Variants in LMBR1 observed in about 807,000 individuals in gnomAD.
LMBR1 encodes limb development membrane protein 1.
Under a neutral mutation model 73.9 loss-of-function variants are expected in LMBR1, and 52 were observed. The observed-to-expected ratio is 0.70, with a 90% CI of 0.56 to 0.89. The LOEUF (loss-of-function observed/expected upper bound fraction) is 0.89, where lower values mean the gene tolerates loss of function less well. LMBR1 is among the 40% of genes least tolerant of loss of function. The pLI is 0.00. For missense variants in LMBR1, 539 were observed against 579.8 expected (o/e 0.93, Z 0.72); for synonymous variants, 215 against 209.4 (o/e 1.03, Z -0.23).
intron 9 of LMBR1, among the ~76,000 whole-genome samples, chr7:156,748,401 C>T (rs6958016): frequency 0.11 from 16,639 of 151,858 alleles, 946 homozygotes; most frequent in East Asian, 0.15. Flanking sequence ...TTTATATAAG[C>T]TACTATTGGG....
At chr7:156,803,470 T>C (rs980296236) in intron 4 of LMBR1, among the ~76,000 whole-genome samples, 2 of 152,118 alleles carry the variant, frequency 1.3e-5, no homozygotes, top group African/African-American at 2.4e-5. Context: ...TCACACCAGT[T>C]AGAATGGCGA....
At chr7:156,791,787 G>T (rs905578289) in intron 5 of LMBR1, among the ~76,000 whole-genome samples, 5 of 152,148 alleles carry the variant, frequency 3.3e-5, no homozygotes, top group Admixed American at 3.3e-4. Context: ...GCCATTCAGG[G>T]ATGTCTGGAT....
intron 15 of LMBR1, among the ~76,000 whole-genome samples, chr7:156,713,499 C>G (rs1000585644): frequency 3.3e-5 from 5 of 151,944 alleles, no homozygotes; most frequent in African/African-American, 1.2e-4. Context: ...ACAGGAGGTA[C>G]GTGTGCTATC....
chr7:156,759,686 G>A (rs1311433651), intron 8 of LMBR1, among the ~76,000 whole-genome samples: 2 of 152,188 alleles, frequency 1.3e-5, no homozygotes, highest in Non-Finnish European at 2.9e-5. Context: ...AATGCAAAAT[G>A]CTCGTTCCCT....
intron 1 of LMBR1, among the ~76,000 whole-genome samples, chr7:156,891,011 A>G (rs1586507224): frequency 6.6e-6 from 1 of 151,790 alleles, no homozygotes; most frequent in East Asian, 1.9e-4. Flanking sequence ...GCCAGCATGG[A>G]GAAACCCCGT....
At chr7:156,762,109 A>T (rs1823162256) in intron 8 of LMBR1, 25 bp downstream of exon 8, 1 of 1,417,514 alleles carries the variant, frequency 7.1e-7, no homozygotes, top group African/African-American at 1.4e-5. Context: ...TTAATAAACA[A>T]AATGATTTAT....
At chr7:156,845,565 TAAA>T (rs1381947146) in intron 1 of LMBR1, among the ~76,000 whole-genome samples, 3 of 152,000 alleles carry the variant, frequency 2.0e-5, no homozygotes, top group Admixed American at 2.0e-4. Flanking sequence ...ATACATATCT[TAAA>T]ACAAAGTGAC....
chr7:156,804,797 CTT>C (rs1341951781), intron 4 of LMBR1, among the ~76,000 whole-genome samples: 2 of 147,398 alleles, frequency 1.4e-5, no homozygotes, highest in Non-Finnish European at 3.0e-5. Context: ...TGTAGACTCT[CTT>C]TATTCTCTTA....
chr7:156,857,895 C>A (rs995137902), intron 1 of LMBR1, among the ~76,000 whole-genome samples: 1 of 151,506 alleles, frequency 6.6e-6, no homozygotes, highest in Non-Finnish European at 1.5e-5. Flanking sequence ...ATATTTTGAA[C>A]TAAATGAAAA....
chr7:156,755,504 T>C (rs1215846777), intron 9 of LMBR1, among the ~76,000 whole-genome samples: 2 of 152,248 alleles, frequency 1.3e-5, no homozygotes, highest in Admixed American at 6.5e-5. Context: ...GCTTGACACA[T>C]ACTCTTTACA....
chr7:156,859,730 C>T (rs1797473446), intron 1 of LMBR1, among the ~76,000 whole-genome samples: 1 of 152,186 alleles, frequency 6.6e-6, no homozygotes, highest in African/African-American at 2.4e-5. Context: ...TCTACCCAAT[C>T]TACTCTACAG....
chr7:156,702,201 C>T (rs765183922), intron 15 of LMBR1, among the ~76,000 whole-genome samples: 11 of 152,238 alleles, frequency 7.2e-5, no homozygotes, highest in Non-Finnish European at 1.6e-4. Flanking sequence ...AATCGCCACA[C>T]TGTCTTCCAC....
At chr7:156,827,460 C>CA (rs1254940791) in intron 3 of LMBR1, among the ~76,000 whole-genome samples, 1 of 151,886 alleles carries the variant, frequency 6.6e-6, no homozygotes, top group Non-Finnish European at 1.5e-5. Context: ...TACAGAGGTA[C>CA]AAAAAAATCC....
chr7:156,695,867 G>GA lies in LMBR1; in HGVS notation c.1226-7677dup, dbSNP rs397957629. ...GTAAAGAAAAAAAAAGACACTGATG[G>GA]AAAAAAAAAAAGAGAGAGCACAGAA... On this transcript the variant is annotated intron_variant, in intron 15 of 16. Transcript: ENST00000353442. Among the ~76,000 whole-genome samples, 117 of 143,678 alleles carry GA rather than the reference G, an allele frequency of 8.1e-4. No homozygotes were observed. The East Asian group carries it at 0.014, about 17-fold the overall frequency. 94.3% of individuals were successfully genotyped at this position (143,678 alleles called of 152,430 possible).
chr7:156,857,722 TAAC>T, intron 1 of LMBR1, among the ~76,000 whole-genome samples: 1 of 152,310 alleles, frequency 6.6e-6, no homozygotes, highest in South Asian at 2.1e-4. Context: ...AAGAATACCT[TAAC>T]AAATTTAAAA....
chr7:156,890,706 G>C lies in LMBR1; in HGVS notation c.66+2222C>G, dbSNP rs189435348. Among the ~76,000 whole-genome samples, 315 of 152,292 alleles carry C rather than the reference G, an allele frequency of 2.1e-3. 2 individuals are homozygous for C. The highest frequency in any genetic ancestry group is 1.1e-3 in the Non-Finnish European group (77 of 68,028). On this transcript the variant is annotated intron_variant, in intron 1 of 16. Transcript: ENST00000353442. Reference sequence around the variant, plus strand: ...ACAGAAAATATCAAGTATTGATAAAGATGAGTAACAACCACACCTCTGAGA... The same window carrying C: ...ACAGAAAATATCAAGTATTGATAAACATGAGTAACAACCACACCTCTGAGA...
At chr7:156,704,681 T>A in intron 15 of LMBR1, among the ~76,000 whole-genome samples, 1 of 140,170 alleles carries the variant, frequency 7.1e-6, no homozygotes, top group African/African-American at 2.7e-5. Context: ...GTAAGAGAAA[T>A]CTGAAAACCA....
intron 1 of LMBR1, among the ~76,000 whole-genome samples, chr7:156,877,929 C>A (rs144573603): frequency 6.6e-6 from 1 of 151,008 alleles, no homozygotes; most frequent in South Asian, 2.1e-4. Flanking sequence ...ATACACCACA[C>A]GAACAGAATT....
chr7:156,759,914 G>A (rs1196495092), intron 8 of LMBR1, among the ~76,000 whole-genome samples: 3 of 152,166 alleles, frequency 2.0e-5, no homozygotes, highest in African/African-American at 7.2e-5. Context: ...ATTCCGACTG[G>A]CTATTTTAAA....
Sources: gnomAD v4.1 joint callset for allele counts (sites outside exome capture counted in the v4.1 genomes callset) on GRCh38, gnomAD v4.1.1 for gene constraint, MANE v1.5 for transcripts, NCBI Gene and HGNC (gene_info 2026-07-23, HGNC 2026-07-21) for gene names.